The following RNF150 variants were observed in gnomAD, a reference collection of about 807,000 sequenced individuals.
RNF150 encodes ring finger protein 150.
RNF150 carries 24 observed loss-of-function variants against 39.3 expected under a neutral mutation model. That is an observed-to-expected ratio of 0.61 (90% CI 0.44 to 0.86). The LOEUF (loss-of-function observed/expected upper bound fraction) is 0.86. Among genes scored for constraint, RNF150 ranks in the 40% least tolerant of loss-of-function variants. The pLI is 0.00. For missense variants in RNF150, 502 were observed against 587.8 expected (o/e 0.85, Z 1.51); for synonymous variants, 255 against 227.3 (o/e 1.12, Z -1.10).
At chr4:140,982,501 G>A (rs1733891814) in intron 1 of RNF150, among the ~76,000 whole-genome samples, 1 of 147,298 alleles carries the variant, frequency 6.8e-6, no homozygotes, top group Non-Finnish European at 1.5e-5. Flanking sequence ...AATTAATGAA[G>A]TATGTAGCAC....
intron 1 of RNF150, among the ~76,000 whole-genome samples, chr4:141,092,016 T>C (rs976066625): frequency 6.6e-6 from 1 of 152,202 alleles, no homozygotes; most frequent in African/African-American, 2.4e-5. Flanking sequence ...TTATTCATTA[T>C]ACTGACTTAA....
At chr4:141,192,684 A>G (rs1728128929) in intron 1 of RNF150, among the ~76,000 whole-genome samples, 1 of 152,228 alleles carries the variant, frequency 6.6e-6, no homozygotes, top group Admixed American at 6.5e-5. Context: ...CATATCCCGC[A>G]CAACGCAGAA....
intron 1 of RNF150, among the ~76,000 whole-genome samples, chr4:141,094,377 T>C (rs143421248): frequency 6.6e-6 from 1 of 152,184 alleles, no homozygotes. Flanking sequence ...ACAGCAACAG[T>C]GGAAGCTGAA....
chr4:141,073,192 G>A lies in RNF150; in HGVS notation c.484+59133C>T, dbSNP rs4956345. Among the ~76,000 whole-genome samples the A allele has an allele frequency of 1.3e-3, 195 of 152,146 alleles. 1 individual carries two copies. The highest frequency in any genetic ancestry group is 4.4e-3 in the Admixed American group (68 of 15,290). Reference sequence around the variant, plus strand: ...AAGTGGAAATAGGCTTGGATGAAGGGGAAAGGACTCTTCATGGCTACAGCC... The same window carrying A: ...AAGTGGAAATAGGCTTGGATGAAGGAGAAAGGACTCTTCATGGCTACAGCC... On this transcript the variant is annotated intron_variant, in intron 1 of 6. Coordinates refer to ENST00000515673, the MANE Select transcript of RNF150 (RefSeq NM_020724.2).
At chr4:141,175,179 C>T (rs1727789219) in intron 1 of RNF150, among the ~76,000 whole-genome samples, 1 of 152,196 alleles carries the variant, frequency 6.6e-6, no homozygotes, top group Admixed American at 6.5e-5. Context: ...ATAGCTTAGT[C>T]TGGAGCCAGA....
At chr4:141,100,312 C>T (rs1311707391) in intron 1 of RNF150, among the ~76,000 whole-genome samples, 4 of 152,156 alleles carry the variant, frequency 2.6e-5, no homozygotes, top group African/African-American at 9.7e-5. Flanking sequence ...ATATATAATT[C>T]TGTCTCAGAA....
chr4:141,017,524 T>C (rs1044334681), intron 1 of RNF150, among the ~76,000 whole-genome samples: 11 of 152,208 alleles, frequency 7.2e-5, no homozygotes, highest in African/African-American at 2.7e-4. Context: ...CCGAAGTCCA[T>C]AGTTTACATT....
At chr4:140,926,532 A>G (rs1170928342) in intron 4 of RNF150, among the ~76,000 whole-genome samples, 1 of 152,152 alleles carries the variant, frequency 6.6e-6, no homozygotes, top group Admixed American at 6.6e-5. Context: ...CAAAAGGGCA[A>G]AAGAGCTCCT....
chr4:141,005,318 T>G (rs938663156), intron 1 of RNF150, among the ~76,000 whole-genome samples: 7 of 152,120 alleles, frequency 4.6e-5, no homozygotes, highest in African/African-American at 1.7e-4. Flanking sequence ...AGCTATCACT[T>G]GATGCATGGA....
At chr4:140,922,460 A>G (rs1037182765) in intron 5 of RNF150, among the ~76,000 whole-genome samples, 9 of 151,608 alleles carry the variant, frequency 5.9e-5, no homozygotes, top group Non-Finnish European at 1.2e-4. Context: ...CTGCTCAATG[A>G]AATAAAAGAG....
intron 1 of RNF150, among the ~76,000 whole-genome samples, chr4:141,093,469 C>G (rs1482579543): frequency 6.6e-6 from 1 of 152,088 alleles, no homozygotes; most frequent in Non-Finnish European, 1.5e-5. Context: ...AAAATCCTGT[C>G]CTATAGAAGA....
chr4:140,999,011 G>A (rs76082997), intron 1 of RNF150, among the ~76,000 whole-genome samples: 2,963 of 130,682 alleles, frequency 0.023, 40 homozygotes, highest in Non-Finnish European at 0.033. Context: ...GGCTGCTGCT[G>A]CTGCTGCTGC....
At chr4:140,922,277 G>A (rs1316439973) in intron 5 of RNF150, among the ~76,000 whole-genome samples, 2 of 151,202 alleles carry the variant, frequency 1.3e-5, no homozygotes, top group Non-Finnish European at 3.0e-5. Context: ...GAAGTCTCAG[G>A]ACATAAAATC....
At position 140,868,337 on chromosome 4, in the gene RNF150, A is replaced by C. The variant is rs769223931; in HGVS notation, c.1241T>G (p.Leu414Trp). 1.9e-6 allele frequency: 3 copies of C among 1,613,666 alleles called. No homozygotes were observed. Among genetic ancestry groups the C allele is most frequent in the Non-Finnish European group, 2.5e-6 (3 of 1,179,568 alleles). The change falls in exon 7 of 7, where the codon TTG becomes TGG. Residue 414 changes from leucine (L) to tryptophan (W), a missense_variant. Leu to Trp is a moderately conservative substitution (Grantham distance 61). Transcript: ENST00000515673. ...CAGTCCAACCTCCATTGCCATGATC[A>C]AGGAAATGTCAGAATCACTGCTTAC... The part of the protein sequence containing the change: ...PAVSSDSDIS[L>W]IMAMEVGLSD...
chr4:140,896,431 G>A (rs368819171), intron 6 of RNF150, among the ~76,000 whole-genome samples: 25 of 34,978 alleles, frequency 7.1e-4, no homozygotes, highest in African/African-American at 9.6e-4. Context: ...GTAAACTATC[G>A]CAAGAACAAA....
intron 1 of RNF150, among the ~76,000 whole-genome samples, chr4:141,000,100 AGAAGAAGAGGAG>A (rs1560679701): frequency 2.2e-5 from 3 of 136,552 alleles, no homozygotes; most frequent in Non-Finnish European, 4.9e-5. Flanking sequence ...AAGAAGAAGA[AGAAGAAGAGGAG>A]GAAGAAGAAG....
intron 1 of RNF150, among the ~76,000 whole-genome samples, chr4:141,030,522 G>A (rs1177824189): frequency 1.3e-5 from 2 of 152,038 alleles, no homozygotes; most frequent in Non-Finnish European, 2.9e-5. Flanking sequence ...CACTGCAGCT[G>A]GAGTCACAAT....
chr4:141,115,113 A>G (rs1432427356), intron 1 of RNF150, among the ~76,000 whole-genome samples: 1 of 152,184 alleles, frequency 6.6e-6, no homozygotes, highest in East Asian at 1.9e-4. Context: ...CACCACTCCT[A>G]TTAAACATAG....
intron 1 of RNF150, among the ~76,000 whole-genome samples, chr4:141,083,741 C>T (rs1361404138): frequency 1.3e-5 from 2 of 152,084 alleles, no homozygotes; most frequent in Non-Finnish European, 2.9e-5. Context: ...AATGTGTACA[C>T]ACGATTCATA....
Sources: allele counts gnomAD v4.1 joint callset (sites outside exome capture counted in the v4.1 genomes callset), GRCh38; gene constraint gnomAD v4.1.1; transcripts MANE v1.5; gene names NCBI Gene and HGNC (gene_info 2026-07-23, HGNC 2026-07-21).